The following TAF9 variants were observed in gnomAD, a reference collection of about 807,000 sequenced individuals.
TAF9 encodes transcription initiation factor TFIID subunit 9.
In TAF9, 10 loss-of-function variants were observed where a neutral mutation model predicts 16.5. The ratio of observed to expected loss-of-function variants is 0.61; its 90% CI spans 0.37 to 1.03. The LOEUF (loss-of-function observed/expected upper bound fraction) is 1.03, where lower values mean the gene tolerates loss of function less well. TAF9 is among the 50% of genes least tolerant of loss of function. The probability of loss-of-function intolerance (pLI) is 0.01; values close to 1 mark genes in which losing one functional copy is unlikely to be tolerated. For synonymous variants in TAF9, 105 were observed against 120.5 expected (o/e 0.87, Z 0.84); for missense variants, 288 against 319.1 (o/e 0.90, Z 0.74).
Position 69,364,878 on chromosome 5 carries a change from G to A in TAF9, c.*65C>T. 4 of 1,390,566 alleles carry A rather than the reference G, an allele frequency of 2.9e-6. No individual in the cohort carries two copies. Among genetic ancestry groups the A allele is most frequent in the Non-Finnish European group, 3.9e-6 (4 of 1,016,992 alleles). The allele number at this position is 1,390,566 out of a possible 1,614,324, so 86.1% of individuals were successfully genotyped here. On this transcript the variant is annotated 3_prime_UTR_variant, in exon 3 of 3. Coordinates refer to ENST00000217893, the MANE Select transcript of TAF9 (RefSeq NM_003187.5). ...AACACAACTTGAAAACATCCAGCAT[G>A]CATGTTTAATATCAGTACAATGAAT... is the stretch of plus-strand genomic sequence containing the variant.
intron 1 of TAF9, 102 bp from the exon 2 acceptor site, chr5:69,366,697 T>A (rs964015013): frequency 3.6e-6 from 3 of 833,794 alleles, no homozygotes; most frequent in African/African-American, 3.4e-5. Flanking sequence ...GAGTCTCACC[T>A]GGCCTCTGCC....
At chr5:69,369,818 G>T (rs1762807755), upstream of TAF9, 1 of 1,070,464 alleles carries the variant, frequency 9.3e-7, no homozygotes, top group East Asian at 2.7e-5. Context: ...CCGGGAGGCC[G>T]TACCTCCGAG....
chr5:69,369,238 C>CCCCCCCCCCCCA, intron 1 of TAF9: 1 of 156,870 alleles, frequency 6.4e-6, no homozygotes, highest in South Asian at 1.7e-4. Flanking sequence ...CCCCCCCCGC[C>CCCCCCCCCCCCA]CCCCCCCGGA....
chr5:69,369,662 T>C (rs1440617956), upstream of TAF9: 3 of 1,558,670 alleles, frequency 1.9e-6, no homozygotes, highest in Non-Finnish European at 2.6e-6. Context: ...GTTACCTGGC[T>C]TTCGATGACA....
At chr5:69,366,785 T>G (rs906756104) in intron 1 of TAF9, 190 bp from the exon 2 acceptor site, 73 of 573,276 alleles carry the variant, frequency 1.3e-4, no homozygotes, top group Non-Finnish European at 6.2e-6. Flanking sequence ...TGAGACAGAG[T>G]TTCACTCTTG....
intron 1 of TAF9, 96 bp downstream of exon 1, chr5:69,369,367 G>A (rs2150749509): frequency 7.1e-7 from 1 of 1,411,172 alleles, no homozygotes; most frequent in East Asian, 2.5e-5. Context: ...CCTCTGAAGA[G>A]GGCAGTGAGG....
intron 1 of TAF9, 69 bp downstream of exon 1, chr5:69,369,394 C>A (rs1044687847): frequency 1.2e-5 from 19 of 1,565,232 alleles, no homozygotes; most frequent in Admixed American, 7.2e-5. Context: ...CACCTGGGCG[C>A]CCGATGCCCA....
intron 1 of TAF9, among the ~76,000 whole-genome samples, chr5:69,367,570 T>G (rs1762504927): frequency 6.6e-6 from 1 of 152,084 alleles, no homozygotes; most frequent in South Asian, 2.1e-4. Flanking sequence ...CTTTTTCTTT[T>G]TTTAAAGACA....
In TAF9 at chr5:69,364,958, G is replaced by GTCATCA. The variant is rs138635374; in HGVS notation, c.774_779dup (p.Asp259_Asp260dup). The GTCATCA allele has an allele frequency of 1.2e-6, 2 of 1,610,798 alleles. No individual in the cohort carries two copies. The highest frequency in any genetic ancestry group is 1.7e-6 in the Non-Finnish European group (2 of 1,178,712). On this transcript the variant is annotated inframe_insertion, in exon 3 of 3. Coordinates refer to ENST00000217893, the MANE Select transcript of TAF9 (RefSeq NM_003187.5). Reference sequence around the variant, plus strand: ...CAAGGCTAGATTACAGATTATCATAGTCATCATCATCATCATCGTCATCAT... The same window carrying GTCATCA: ...CAAGGCTAGATTACAGATTATCATAGTCATCATCATCATCATCATCATCGTCATCAT...
chr5:69,366,403 C>T, intron 2 of TAF9, 100 bp downstream of exon 2: 2 of 862,280 alleles, frequency 2.3e-6, no homozygotes, highest in Middle Eastern at 3.6e-4. Context: ...TAATGGCAAT[C>T]TCTGTTTTTT....
At chr5:69,369,532 C>T, upstream of TAF9, 2 of 1,611,436 alleles carry the variant, frequency 1.2e-6, no homozygotes, top group Non-Finnish European at 1.7e-6. Context: ...CTCACGTGCC[C>T]TTTGCTCTAC....
upstream of TAF9, chr5:69,369,806 C>T: frequency 2.5e-6 from 3 of 1,194,926 alleles, no homozygotes; most frequent in Non-Finnish European, 3.5e-6. Context: ...TCTGGAAGGT[C>T]CCCGGGAGGC....
At chr5:69,366,461 A>T in intron 2 of TAF9, 42 bp downstream of exon 2, 2 of 1,350,658 alleles carry the variant, frequency 1.5e-6, no homozygotes, top group Non-Finnish European at 1.0e-6. Flanking sequence ...ACCAGACCTT[A>T]AAAAAAAAAC....
rs935419705 is a variant in TAF9, at chr5:69,364,920, A to C, written c.*23T>G. The C allele has an allele frequency of 1.3e-6, 2 of 1,585,936 alleles. No individual in the cohort carries two copies. The highest frequency in any genetic ancestry group is 8.6e-7 in the Non-Finnish European group (1 of 1,166,574). The stretch of plus-strand genomic sequence containing the variant: ...ACAATGAATTCAAGACCAAGTATAC[A>C]TGTTACATTCAGCAAGGCTAGATTA... On this transcript the variant is annotated 3_prime_UTR_variant, in exon 3 of 3. Transcript: ENST00000217893.
chr5:69,364,839 T>C lies in TAF9; in HGVS notation c.*104A>G. On this transcript the variant is annotated 3_prime_UTR_variant, in exon 3 of 3. Transcript: ENST00000217893. ...TATGGTAACTGTGTTTACTCATTAT[T>C]ATTAGTTTTCTAAAACACAACTTGA... 1 of 990,594 alleles carries C rather than the reference T, an allele frequency of 1.0e-6. No homozygotes were observed. Among genetic ancestry groups the C allele is most frequent in the African/African-American group, 1.6e-5 (1 of 61,902 alleles). The allele number at this position is 990,594 out of a possible 1,614,324, so 61.4% of individuals were successfully genotyped here.
At chr5:69,369,620 G>T (rs1391230122), upstream of TAF9, 2 of 1,572,470 alleles carry the variant, frequency 1.3e-6, no homozygotes, top group Non-Finnish European at 1.7e-6. Context: ...GGCGCCCCTA[G>T]CCTGCCCCGG....
intron 1 of TAF9, 119 bp downstream of exon 1, chr5:69,369,344 G>C: frequency 9.0e-7 from 1 of 1,110,320 alleles, no homozygotes; most frequent in Non-Finnish European, 1.2e-6. Flanking sequence ...ACCGCCTCGT[G>C]GCCCTCGGCC....
chr5:69,367,257 A>G (rs1762471081), intron 1 of TAF9, among the ~76,000 whole-genome samples: 1 of 151,912 alleles, frequency 6.6e-6, no homozygotes, highest in South Asian at 2.1e-4. Flanking sequence ...TCATGCCTGT[A>G]ATCACCGCAC....
intron 1 of TAF9, 42 bp from the exon 2 acceptor site, chr5:69,366,637 AC>A: frequency 1.5e-6 from 2 of 1,344,246 alleles, no homozygotes; most frequent in Non-Finnish European, 2.1e-6. Flanking sequence ...GTGAAATACT[AC>A]TTATCACACT....
Sources: gnomAD v4.1 joint callset for allele counts (sites outside exome capture counted in the v4.1 genomes callset) on GRCh38, gnomAD v4.1.1 for gene constraint, MANE v1.5 for transcripts, NCBI Gene and HGNC (gene_info 2026-07-23, HGNC 2026-07-21) for gene names.